INTU: variants seen among roughly 807,000 people sequenced by gnomAD.
The protein encoded by INTU is protein inturned.
A neutral mutation model predicts 100.5 loss-of-function variants in INTU; 68 were observed. That is an observed-to-expected ratio of 0.68 (90% CI 0.56 to 0.83). INTU has a LOEUF of 0.83. Among genes scored for constraint, INTU ranks in the 40% least tolerant of loss-of-function variants. The probability of loss-of-function intolerance (pLI) is 0.00; values close to 1 mark genes in which losing one functional copy is unlikely to be tolerated. For missense variants in INTU, 1,071 were observed against 1,114.7 expected, an observed-to-expected ratio of 0.96 and a Z score of 0.56; for synonymous variants, 357 against 395.7, an observed-to-expected ratio of 0.90 and a Z score of 1.16.
intron 3 of INTU, among the ~76,000 whole-genome samples, chr4:127,657,301 G>A (rs1160874029): frequency 1.3e-5 from 2 of 152,132 alleles, no homozygotes; most frequent in African/African-American, 4.8e-5. Context: ...TATCGTAGAT[G>A]ATGTTTTTCA....
At chr4:127,654,191 G>T (rs1728060616) in intron 2 of INTU, among the ~76,000 whole-genome samples, 1 of 151,540 alleles carries the variant, frequency 6.6e-6, no homozygotes, top group African/African-American at 2.4e-5. Context: ...GCCAGTCTGT[G>T]TCTTTTAACT....
chr4:127,679,635 C>T (rs1225772776), intron 6 of INTU, among the ~76,000 whole-genome samples: 1 of 151,754 alleles, frequency 6.6e-6, no homozygotes, highest in Admixed American at 6.6e-5. Context: ...GCACTAAATG[C>T]CCACAAGAGA....
Position 127,716,384 on chromosome 4 carries a change from C to T in INTU, c.2777C>T (p.Thr926Ile). ...ELYVCFHDSV[T>I]EIAIEIAFKL... ...TATGTCTGTTTTCATGACTCAGTCA[C>T]AGAAATTGCCATTGAAATAGCTTTT... The change falls in exon 16 of 16, where the codon ACA (threonine) becomes ATA (isoleucine). Residue 926 changes from threonine to isoleucine, a missense_variant. By Grantham distance (89) the Thr-to-Ile change is moderately conservative. Transcript: ENST00000335251. 6.3e-7 allele frequency: 1 copy of T among 1,591,422 alleles called. No homozygotes were observed. Among genetic ancestry groups the T allele is most frequent in the South Asian group, 1.1e-5 (1 of 86,968 alleles).
Position 127,633,126 on chromosome 4 carries a change from T to G in INTU, c.92T>G (p.Phe31Cys), listed in dbSNP as rs148080788. ...CAAGAAGAAGATGAGGACTATGATT[T>G]TGAAGATCGGGTCAGCGACTCGGGT... Reference protein sequence around the residue: ...SSQEEDEDYDFEDRVSDSGSY... With the variant: ...SSQEEDEDYDCEDRVSDSGSY... Residue 31 changes from phenylalanine (F) to cysteine (C), a missense_variant, in exon 1 of 16, where the codon TTT becomes TGT. Physicochemically the swap from Phe to Cys is radical, Grantham distance 205. Transcript: ENST00000335251. 2 of 1,613,974 alleles carry G rather than the reference T, an allele frequency of 1.2e-6. No homozygotes were observed. The highest frequency in any genetic ancestry group is 2.7e-5 in the African/African-American group (2 of 74,936).
At chr4:127,637,153 A>G (rs923352917) in intron 1 of INTU, among the ~76,000 whole-genome samples, 1 of 152,176 alleles carries the variant, frequency 6.6e-6, no homozygotes, top group East Asian at 1.9e-4. Flanking sequence ...CTTACTTAAA[A>G]GGTTGCCTCT....
At chr4:127,701,345 A>T (rs1359919605) in intron 9 of INTU, among the ~76,000 whole-genome samples, 1 of 152,200 alleles carries the variant, frequency 6.6e-6, no homozygotes, top group Non-Finnish European at 1.5e-5. Context: ...GAGACTGAAT[A>T]TTATCAACCA....
At chr4:127,638,020 A>G (rs958451790) in intron 1 of INTU, among the ~76,000 whole-genome samples, 7 of 152,224 alleles carry the variant, frequency 4.6e-5, no homozygotes, top group African/African-American at 1.4e-4. Context: ...CTAAGCTGCT[A>G]TATCATCCAG....
At chr4:127,640,536 A>G (rs1325375803) in intron 1 of INTU, among the ~76,000 whole-genome samples, 4 of 102,654 alleles carry the variant, frequency 3.9e-5, no homozygotes, top group African/African-American at 8.3e-5. Flanking sequence ...CTTTTGGGTA[A>G]AGATACATAT....
chr4:127,679,826 G>A (rs1415250722), intron 6 of INTU, among the ~76,000 whole-genome samples: 1 of 151,900 alleles, frequency 6.6e-6, no homozygotes, highest in Non-Finnish European at 1.5e-5. Context: ...CTGGTTTTTT[G>A]AAAGGATCAA....
chr4:127,685,441 G>A (rs1032094717), intron 7 of INTU: 1 of 455,510 alleles, frequency 2.2e-6, no homozygotes, highest in Non-Finnish European at 4.4e-6. Context: ...TGTTCTTACA[G>A]TATCATGAAG....
chr4:127,658,266 G>A (rs1315404351), intron 3 of INTU, among the ~76,000 whole-genome samples: 1 of 152,228 alleles, frequency 6.6e-6, no homozygotes, highest in Non-Finnish European at 1.5e-5. Flanking sequence ...TAAAATGAAA[G>A]TGCTGGAATA....
intron 8 of INTU, 85 bp downstream of exon 8, chr4:127,687,952 T>A: frequency 1.0e-6 from 1 of 968,968 alleles, no homozygotes; most frequent in South Asian, 3.1e-5. Flanking sequence ...AGACTTTTTG[T>A]TATTTTTGGA....
chr4:127,708,600 T>G lies in INTU; in HGVS notation c.2301T>G (p.Asn767Lys). 6.3e-7 allele frequency: 1 copy of G among 1,597,818 alleles called. No homozygotes were observed. The highest frequency in any genetic ancestry group is 8.6e-7 in the Non-Finnish European group (1 of 1,168,016). ...CTAAAAAGAAGTCTACTCTTCCAAA[T>G]CCATTTCATTTGGGAAACTTGAAAA... ...KVTKKKSTLP[N>K]PFHLGNLKKD... Residue 767 changes from asparagine (N) to lysine (K), a missense_variant, in exon 13 of 16, where the codon AAT becomes AAG. By Grantham distance (94) the Asn-to-Lys change is moderately conservative. Coordinates refer to ENST00000335251, the MANE Select transcript of INTU (RefSeq NM_015693.4).
chr4:127,684,684 C>G (rs925751932), intron 7 of INTU, among the ~76,000 whole-genome samples, 198 bp downstream of exon 7: 1 of 151,456 alleles, frequency 6.6e-6, no homozygotes, highest in Admixed American at 6.6e-5. Flanking sequence ...TTTCTCTATC[C>G]TTATTCCTCC....
intron 5 of INTU, among the ~76,000 whole-genome samples, chr4:127,670,562 A>G (rs1243345797): frequency 1.3e-5 from 2 of 151,954 alleles, no homozygotes; most frequent in Non-Finnish European, 2.9e-5. Context: ...TTATTGAGAT[A>G]TAGTACATAA....
At chr4:127,678,830 C>T (rs1193250106) in intron 6 of INTU, among the ~76,000 whole-genome samples, 2 of 151,970 alleles carry the variant, frequency 1.3e-5, no homozygotes, top group Non-Finnish European at 2.9e-5. Context: ...AGTCAAGACC[C>T]ATCAGTGTGC....
intron 4 of INTU, among the ~76,000 whole-genome samples, chr4:127,665,066 A>C (rs1728635384): frequency 6.6e-6 from 1 of 151,704 alleles, no homozygotes; most frequent in Non-Finnish European, 1.5e-5. Flanking sequence ...AAATAATTCA[A>C]AGCCCTTAAT....
intron 2 of INTU, among the ~76,000 whole-genome samples, chr4:127,653,800 C>T (rs1023842954): frequency 5.9e-4 from 90 of 151,794 alleles, no homozygotes; most frequent in Middle Eastern, 3.4e-3. Context: ...TCTCGTTGAT[C>T]TGTCTAATGT....
intron 4 of INTU, among the ~76,000 whole-genome samples, chr4:127,665,598 C>CATG (rs1004515229): frequency 9.9e-5 from 15 of 152,084 alleles, no homozygotes; most frequent in African/African-American, 3.6e-4. Context: ...AGTGGCTTAA[C>CATG]ATGATGAAAG....
Sources: gnomAD v4.1 joint callset for allele counts (sites outside exome capture counted in the v4.1 genomes callset) on GRCh38, gnomAD v4.1.1 for gene constraint, MANE v1.5 for transcripts, NCBI Gene and HGNC (gene_info 2026-07-23, HGNC 2026-07-21) for gene names.